The following PCDHGA1 variants were observed in gnomAD, a reference collection of about 807,000 sequenced individuals.
The protein encoded by PCDHGA1 is protocadherin gamma subfamily A, 1, also known as protocadherin gamma-A1.
PCDHGA1 carries 32 observed loss-of-function variants against 58.0 expected under a neutral mutation model. That is an observed-to-expected ratio of 0.55 (90% CI 0.42 to 0.74). The LOEUF is 0.74. PCDHGA1 is among the 30% of genes least tolerant of loss of function. The pLI is 0.00. For synonymous variants in PCDHGA1, 498 were observed against 501.1 expected (o/e 0.99, Z 0.08); for missense variants, 1,205 against 1,182.3 (o/e 1.02, Z -0.28).
chr5:141,489,254 C>T lies in PCDHGA1; in HGVS notation c.2422-5553C>T, dbSNP rs2099684538. 2 of 1,548,628 alleles carry T rather than the reference C, an allele frequency of 1.3e-6. No homozygotes were observed. Among genetic ancestry groups the T allele is most frequent in the African/African-American group, 1.4e-5 (1 of 73,008 alleles). ...GACTTCTGGGTCATGGGGCCCAAGA[C>T]ACTCCCACAGCTCGCTGGGAAATGG... is the stretch of plus-strand genomic sequence containing the variant. On this transcript the variant is annotated intron_variant, in intron 1 of 3. Transcript: ENST00000517417. This position sits in a 1 kb window ranked among gnomAD's most constrained non-coding sequence, Gnocchi z 4.5.
intron 1 of PCDHGA1, among the ~76,000 whole-genome samples, chr5:141,451,410 G>T (rs1201545799): frequency 6.6e-6 from 1 of 152,190 alleles, no homozygotes; most frequent in East Asian, 1.9e-4. Context: ...TAAGTTCCTT[G>T]TGGATTGTTA....
chr5:141,390,522 G>A, intron 1 of PCDHGA1: 1 of 557,096 alleles, frequency 1.8e-6, no homozygotes, highest in Non-Finnish European at 3.1e-6. Flanking sequence ...AAGCAATGAG[G>A]GTGTGGTTTT....
At chr5:141,503,230 G>A (rs911238781) in intron 2 of PCDHGA1, among the ~76,000 whole-genome samples, 1 of 152,006 alleles carries the variant, frequency 6.6e-6, no homozygotes, top group African/African-American at 2.4e-5. Context: ...CCGTAAAGAT[G>A]GACAGTTTCT....
In PCDHGA1 at chr5:141,360,170, G is replaced by A; in HGVS notation, c.2421+27065G>A. ...AGCTCAGGGAGGTGCGGGCTGGTGCGGTGGCTGCAGGTACTGTTGCCCTTC... is the reference window on the plus strand; with the variant it reads ...AGCTCAGGGAGGTGCGGGCTGGTGCAGTGGCTGCAGGTACTGTTGCCCTTC... On this transcript the variant is annotated intron_variant, in intron 1 of 3. Transcript: ENST00000517417. 3.1e-6 allele frequency: 5 copies of A among 1,607,748 alleles called. No individual in the cohort carries two copies. Among genetic ancestry groups the A allele is most frequent in the South Asian group, 1.1e-5 (1 of 90,112 alleles).
chr5:141,337,380 T>C (rs770874978), intron 1 of PCDHGA1, among the ~76,000 whole-genome samples: 1 of 152,192 alleles, frequency 6.6e-6, no homozygotes, highest in East Asian at 1.9e-4. Context: ...CAAGTGTCCA[T>C]TGACAGATGA....
chr5:141,392,762 G>A lies in PCDHGA1; in HGVS notation c.2421+59657G>A, dbSNP rs1033759244. 8.8e-6 allele frequency: 13 copies of A among 1,478,030 alleles called. No individual in the cohort carries two copies. The African/African-American group carries it at 1.3e-4, about 14-fold the overall frequency. The allele number at this position is 1,478,030 out of a possible 1,614,324, so 91.6% of individuals were successfully genotyped here. ...ATAGCTGCGGCAAGAAACTAAATAA[G>A]ACCCATTTATGCACAGTGAAGATTC... On this transcript the variant is annotated intron_variant, in intron 1 of 3. Coordinates refer to ENST00000517417, the MANE Select transcript of PCDHGA1 (RefSeq NM_018912.3).
intron 1 of PCDHGA1, chr5:141,383,640 C>A (rs1305472453): frequency 3.1e-6 from 5 of 1,613,848 alleles, no homozygotes; most frequent in Non-Finnish European, 4.2e-6. Flanking sequence ...TGCCTCAGTA[C>A]CAAGTAACTG....
At position 141,351,194 on chromosome 5, in the gene PCDHGA1, G is replaced by A. The variant is rs1434678483; in HGVS notation, c.2421+18089G>A. ...GGATTTTGAAGAGACAAGTAGATAT[G>A]TGTTGAGTGTGGAAGCTAAGGATGG... On this transcript the variant is annotated intron_variant, in intron 1 of 3. Transcript: ENST00000517417. 5.0e-6 allele frequency: 8 copies of A among 1,613,944 alleles called. No homozygotes were observed. Among genetic ancestry groups the A allele is most frequent in the Non-Finnish European group, 6.8e-6 (8 of 1,179,900 alleles).
chr5:141,414,854 A>C (rs1191943867), intron 1 of PCDHGA1: 3 of 1,614,230 alleles, frequency 1.9e-6, no homozygotes, highest in Non-Finnish European at 2.5e-6. Context: ...CTGGACCAGA[A>C]CGACAATGCG....
chr5:141,421,425 C>T, intron 1 of PCDHGA1: 1 of 1,614,100 alleles, frequency 6.2e-7, no homozygotes, highest in Non-Finnish European at 8.5e-7. Context: ...GCGGAGTCCG[C>T]ATCGTCTCCA....
intron 1 of PCDHGA1, chr5:141,370,409 CG>C (rs775733785): frequency 6.4e-7 from 1 of 1,561,734 alleles, no homozygotes; most frequent in Non-Finnish European, 8.6e-7. Context: ...GAAATAGCTC[CG>C]GATGGAGGGG....
intron 1 of PCDHGA1, chr5:141,385,646 C>A: frequency 1.4e-6 from 1 of 737,590 alleles, no homozygotes; most frequent in Non-Finnish European, 1.7e-6. Flanking sequence ...TTTCATATTG[C>A]ACAAGGTTAG....
At chr5:141,345,603 C>T (rs1232635976) in intron 1 of PCDHGA1, 2 of 1,614,182 alleles carry the variant, frequency 1.2e-6, no homozygotes, top group East Asian at 2.2e-5. Context: ...CGACTACGAG[C>T]AATTTAGAGA....
chr5:141,409,205 A>T, intron 1 of PCDHGA1: 1 of 1,614,068 alleles, frequency 6.2e-7, no homozygotes, highest in African/African-American at 1.3e-5. Context: ...TAAAGTAATC[A>T]TAGAAATCCT....
chr5:141,397,995 C>T, intron 1 of PCDHGA1: 1 of 1,367,706 alleles, frequency 7.3e-7, no homozygotes, highest in Non-Finnish European at 9.8e-7. Flanking sequence ...CCGCTTCCTC[C>T]TCGGAAAAAG....
intron 1 of PCDHGA1, chr5:141,333,320 T>C: frequency 1.3e-6 from 1 of 764,120 alleles, no homozygotes; most frequent in East Asian, 2.7e-5. Flanking sequence ...GTGATCATAA[T>C]GTAGGTGGTT....
At chr5:141,455,394 C>T (rs1034564159) in intron 1 of PCDHGA1, among the ~76,000 whole-genome samples, 2 of 152,004 alleles carry the variant, frequency 1.3e-5, no homozygotes, top group African/African-American at 4.8e-5. Context: ...AAGGAGCTCC[C>T]CCTTACAGAG....
intron 1 of PCDHGA1, chr5:141,361,144 A>G: frequency 6.2e-7 from 1 of 1,613,986 alleles, no homozygotes; most frequent in South Asian, 1.1e-5. Flanking sequence ...CCAAGTTGAA[A>G]TTCTTGATGA....
chr5:141,403,318 A>G, intron 1 of PCDHGA1: 1 of 1,613,982 alleles, frequency 6.2e-7, no homozygotes, highest in Non-Finnish European at 8.5e-7. Flanking sequence ...TAGAAATAGA[A>G]GTAACTGATA....
Sources: gnomAD v4.1 joint callset for allele counts (sites outside exome capture counted in the v4.1 genomes callset) on GRCh38, gnomAD v4.1.1 for gene constraint, Gnocchi (gnomAD v3.1) non-coding constraint, MANE v1.5 for transcripts, NCBI Gene and HGNC (gene_info 2026-07-23, HGNC 2026-07-21) for gene names.